The following NRM variants were observed in gnomAD, a reference collection of about 807,000 sequenced individuals.
The protein encoded by NRM is nuclear rim protein.
In NRM, 19 loss-of-function variants were observed where a neutral mutation model predicts 23.4. The ratio of observed to expected loss-of-function variants is 0.81; its 90% CI spans 0.57 to 1.19. The LOEUF (loss-of-function observed/expected upper bound fraction) is 1.19. NRM is among the 50% of genes most tolerant of loss of function. The pLI, the probability that NRM is intolerant of heterozygous loss-of-function variation, is 0.00. For missense variants in NRM, 232 were observed against 329.7 expected (o/e 0.70, Z 2.30); for synonymous variants, 140 against 143.5 (o/e 0.98, Z 0.17).
chr6:30,690,844 G>T lies in NRM; in HGVS notation c.131C>A (p.Pro44Gln). Residue 44 changes from proline to glutamine, a missense_variant and splice_region_variant, in exon 1 of 4, where the codon CCG becomes CAG. Pro to Gln is a moderately conservative substitution (Grantham distance 76, BLOSUM62 -1). Transcript: ENST00000376421. This position sits in a 1 kb window ranked among gnomAD's most constrained non-coding sequence, Gnocchi z 5.5. ...LLGGIPESGG[P>Q]DARQGWLAAL... The stretch of plus-strand genomic sequence containing the variant: ...CATCCTCGATCCCTCCCGCTCACCC[G>T]GACCACCAGACTCCGGGATCCCTCC... 6.2e-7 allele frequency: 1 copy of T among 1,612,944 alleles called. No homozygotes were observed. Among genetic ancestry groups the T allele is most frequent in the Non-Finnish European group, 8.5e-7 (1 of 1,179,996 alleles).
At position 30,688,417 on chromosome 6, in the gene NRM, G is replaced by A. The variant is rs889034232; in HGVS notation, c.*244C>T. 3 of 593,620 alleles carry A rather than the reference G, an allele frequency of 5.1e-6. No individual in the cohort carries two copies. Among genetic ancestry groups the A allele is most frequent in the Non-Finnish European group, 9.0e-6 (3 of 334,376 alleles). 36.8% of individuals were successfully genotyped at this position (593,620 alleles called of 1,614,324 possible). ...AGTGTCATGCTCTAAACAGTGAAGGGACAGATGACTTCCATACCCCACTCT... is the reference window on the plus strand; with the variant it reads ...AGTGTCATGCTCTAAACAGTGAAGGAACAGATGACTTCCATACCCCACTCT... On this transcript the variant is annotated 3_prime_UTR_variant, in exon 4 of 4. Transcript: ENST00000376421. This position sits in a 1 kb window ranked among gnomAD's most constrained non-coding sequence, Gnocchi z 5.9.
At position 30,690,786 on chromosome 6, in the gene NRM, C is replaced by T; in HGVS notation, c.133+56G>A. ...TGTTTCCAAGCCCCGCCCTCAATCC[C>T]TCTCCTACGGCTCCACCTTCCTCCT... On this transcript the variant is annotated intron_variant, in intron 1 of 3. Transcript: ENST00000376421. The surrounding 1 kb of genome is among the most constrained non-coding windows in gnomAD (Gnocchi z 5.5). 1 of 1,612,654 alleles carries T rather than the reference C, an allele frequency of 6.2e-7. No individual in the cohort carries two copies. Among genetic ancestry groups the T allele is most frequent in the South Asian group, 1.1e-5 (1 of 91,046 alleles).
At chr6:30,691,262 A>T, upstream of NRM, 1 of 386,038 alleles carries the variant, frequency 2.6e-6, no homozygotes, top group Admixed American at 4.1e-5. Context: ...GTTGAATCTC[A>T]GCTCGTCTAG....
rs1045920617 is a variant in NRM at position 30,690,036 on chromosome 6, G to A, written c.330+11C>T. Reference sequence around the variant, plus strand: ...CCAGGATTTCATACCTGCAAGGCCAGGGCCTCATACCTGCAAGGCCAGGGC... The same window carrying A: ...CCAGGATTTCATACCTGCAAGGCCAAGGCCTCATACCTGCAAGGCCAGGGC... On this transcript the variant is annotated intron_variant, in intron 2 of 3. Transcript: ENST00000376421. This position sits in a 1 kb window ranked among gnomAD's most constrained non-coding sequence, Gnocchi z 5.5. The A allele has an allele frequency of 6.3e-7, 1 of 1,596,962 alleles. No homozygotes were observed. The highest frequency in any genetic ancestry group is 1.4e-5 in the African/African-American group (1 of 73,762).
chr6:30,689,547 G>T lies in NRM; in HGVS notation c.331-95C>A. 8.0e-7 allele frequency: 1 copy of T among 1,250,352 alleles called. No homozygotes were observed. The highest frequency in any genetic ancestry group is 1.1e-6 in the Non-Finnish European group (1 of 917,380). The allele number at this position is 1,250,352 out of a possible 1,614,324, so 77.5% of individuals were successfully genotyped here. On this transcript the variant is annotated intron_variant, in intron 2 of 3. Transcript: ENST00000376421. The surrounding 1 kb of genome is among the most constrained non-coding windows in gnomAD (Gnocchi z 4.7). ...ATCTGCCCCCACCACAGGCTAGCCT[G>T]CAACTCTCCCCCACCTCTCTCCTAA...
chr6:30,689,455 G>A lies in NRM; in HGVS notation c.331-3C>T. ...GGCTCCCAGTACCGCATCACCAGCT[G>A]TGGAAGGATAAGGGGCTGGGTATCC... On this transcript the variant is annotated splice_region_variant and splice_polypyrimidine_tract_variant and intron_variant, in intron 2 of 3. Coordinates refer to ENST00000376421, the MANE Select transcript of NRM (RefSeq NM_001384369.1). The surrounding 1 kb of genome is among the most constrained non-coding windows in gnomAD (Gnocchi z 4.7). 3.2e-6 allele frequency: 5 copies of A among 1,568,768 alleles called. No individual in the cohort carries two copies. The highest frequency in any genetic ancestry group is 4.3e-6 in the Non-Finnish European group (5 of 1,157,662).
In NRM at chr6:30,688,619, A is replaced by C; in HGVS notation, c.*42T>G. 6.3e-7 allele frequency: 1 copy of C among 1,591,192 alleles called. No homozygotes were observed. The highest frequency in any genetic ancestry group is 8.6e-7 in the Non-Finnish European group (1 of 1,167,364). On this transcript the variant is annotated 3_prime_UTR_variant, in exon 4 of 4. Transcript: ENST00000376421. The surrounding 1 kb of genome is among the most constrained non-coding windows in gnomAD (Gnocchi z 5.9). ...CCTGGATGTTAAGGATTTAGAATTC[A>C]GTGGGAGAGGAAGAACAGGGCTTGT...
Position 30,689,978 on chromosome 6 carries a change from T to G in NRM, c.330+69A>C, listed in dbSNP as rs1771423463. On this transcript the variant is annotated intron_variant, in intron 2 of 3. Transcript: ENST00000376421. This position sits in a 1 kb window ranked among gnomAD's most constrained non-coding sequence, Gnocchi z 4.7. ...TTGCCCCTCCAATCCACGGCACCCC[T>G]CCCACACTTGGTCTCCCTTGGGGAC... is the stretch of plus-strand genomic sequence containing the variant. 1 of 1,520,538 alleles carries G rather than the reference T, an allele frequency of 6.6e-7. No homozygotes were observed. Among genetic ancestry groups the G allele is most frequent in the Non-Finnish European group, 8.8e-7 (1 of 1,132,902 alleles). 94.2% of individuals were successfully genotyped at this position (1,520,538 alleles called of 1,614,324 possible). A position where few individuals can be genotyped will look rare whatever the true frequency, so the allele number is the denominator to read the frequency against.
chr6:30,691,037 CCG>C, upstream of NRM: 1 of 1,529,596 alleles, frequency 6.5e-7, no homozygotes, highest in Non-Finnish European at 8.8e-7. Context: ...CAGGCCCCGC[CCG>C]CGGCCCCGCC....
Position 30,689,573 on chromosome 6 carries a change from G to T in NRM, c.331-121C>A. 1 of 986,162 alleles carries T rather than the reference G, an allele frequency of 1.0e-6. No homozygotes were observed. The highest frequency in any genetic ancestry group is 1.5e-6 in the Non-Finnish European group (1 of 681,262). The allele number at this position is 986,162 out of a possible 1,614,324, so 61.1% of individuals were successfully genotyped here. A position where few individuals can be genotyped will look rare whatever the true frequency, so the allele number is the denominator to read the frequency against. ...CAACTCTCCCCCACCTCTCTCCTAA[G>T]CATCACCACCAAATATTCACCATGT... is the stretch of plus-strand genomic sequence containing the variant. On this transcript the variant is annotated intron_variant, in intron 2 of 3. Transcript: ENST00000376421. This position sits in a 1 kb window ranked among gnomAD's most constrained non-coding sequence, Gnocchi z 4.7.
At position 30,688,479 on chromosome 6, in the gene NRM, G is replaced by T; in HGVS notation, c.*182C>A. On this transcript the variant is annotated 3_prime_UTR_variant, in exon 4 of 4. Transcript: ENST00000376421. The surrounding 1 kb of genome is among the most constrained non-coding windows in gnomAD (Gnocchi z 5.9). ...GAGAAGTGGACCTTGGAGTTCAGTG[G>T]CTGAAACTCAGAATTTAGGGTATGG... 1.4e-6 allele frequency: 1 copy of T among 689,674 alleles called. No individual in the cohort carries two copies. The highest frequency in any genetic ancestry group is 2.4e-6 in the Non-Finnish European group (1 of 416,270). 42.7% of individuals were successfully genotyped at this position (689,674 alleles called of 1,614,324 possible).
chr6:30,691,319 T>G, upstream of NRM: 1 of 268,218 alleles, frequency 3.7e-6, no homozygotes, highest in Non-Finnish European at 7.3e-6. Flanking sequence ...CAAAATAAAT[T>G]AATGTATGGA....
At position 30,690,505 on chromosome 6, in the gene NRM, G is replaced by A. The variant is rs992279923; in HGVS notation, c.134-262C>T. ...CAAAAAGCATGGCTGGAGAGGCCAC[G>A]CTGGATTGCCCCTCTTACTTCGGTT... On this transcript the variant is annotated intron_variant, in intron 1 of 3. Coordinates refer to ENST00000376421, the MANE Select transcript of NRM (RefSeq NM_001384369.1). This position sits in a 1 kb window ranked among gnomAD's most constrained non-coding sequence, Gnocchi z 5.5. 5 of 1,503,138 alleles carry A rather than the reference G, an allele frequency of 3.3e-6. No individual in the cohort carries two copies. The highest frequency in any genetic ancestry group is 2.0e-5 in the Admixed American group (1 of 49,118). The allele number at this position is 1,503,138 out of a possible 1,614,324, so 93.1% of individuals were successfully genotyped here.
rs1013658861 is a variant in NRM at position 30,690,811 on chromosome 6, T to A, written c.133+31A>T. On this transcript the variant is annotated intron_variant, in intron 1 of 3. Coordinates refer to ENST00000376421, the MANE Select transcript of NRM (RefSeq NM_001384369.1). This position sits in a 1 kb window ranked among gnomAD's most constrained non-coding sequence, Gnocchi z 5.5. ...CTCTCCTACGGCTCCACCTTCCTCC[T>A]CCCAGTTCATCCTCGATCCCTCCCG... 1.2e-6 allele frequency: 2 copies of A among 1,612,738 alleles called. No homozygotes were observed. Among genetic ancestry groups the A allele is most frequent in the South Asian group, 2.2e-5 (2 of 91,066 alleles).
chr6:30,689,865 T>C lies in NRM; in HGVS notation c.330+182A>G, dbSNP rs755300245. On this transcript the variant is annotated intron_variant, in intron 2 of 3. Coordinates refer to ENST00000376421, the MANE Select transcript of NRM (RefSeq NM_001384369.1). The surrounding 1 kb of genome is among the most constrained non-coding windows in gnomAD (Gnocchi z 4.7). ...TATCTTGTGCTTAGGGAAGGACAAG[T>C]ACACCCTTCTTGATAAAAAGTAGGA... Among the ~76,000 whole-genome samples, 5 of 152,184 alleles carry C rather than the reference T, an allele frequency of 3.3e-5. No homozygotes were observed. Among genetic ancestry groups the C allele is most frequent in the Non-Finnish European group, 5.9e-5 (4 of 68,026 alleles).
In NRM at chr6:30,688,388, G is replaced by C; in HGVS notation, c.*273C>G. 1 of 546,090 alleles carries C rather than the reference G, an allele frequency of 1.8e-6. No individual in the cohort carries two copies. The highest frequency in any genetic ancestry group is 4.8e-4 in the Middle Eastern group (1 of 2,088). The allele number at this position is 546,090 out of a possible 1,614,324, so 33.8% of individuals were successfully genotyped here. A position where few individuals can be genotyped will look rare whatever the true frequency, so the allele number is the denominator to read the frequency against. The stretch of plus-strand genomic sequence containing the variant: ...TTCCTTCTCAGGAGGCTGTTGAGGG[G>C]GAGAGTGTCATGCTCTAAACAGTGA... On this transcript the variant is annotated 3_prime_UTR_variant, in exon 4 of 4. Coordinates refer to ENST00000376421, the MANE Select transcript of NRM (RefSeq NM_001384369.1). This position sits in a 1 kb window ranked among gnomAD's most constrained non-coding sequence, Gnocchi z 5.9.
rs762077629 is a variant in NRM at position 30,690,026 on chromosome 6, T to C, written c.330+21A>G. 6.3e-7 allele frequency: 1 copy of C among 1,588,396 alleles called. No individual in the cohort carries two copies. The highest frequency in any genetic ancestry group is 1.9e-5 in the Admixed American group (1 of 52,630). ...GACTCAACTGCCAGGATTTCATACC[T>C]GCAAGGCCAGGGCCTCATACCTGCA... On this transcript the variant is annotated intron_variant, in intron 2 of 3. Transcript: ENST00000376421. This position sits in a 1 kb window ranked among gnomAD's most constrained non-coding sequence, Gnocchi z 5.5.
At chr6:30,691,014 A>G, upstream of NRM, 3 of 1,557,386 alleles carry the variant, frequency 1.9e-6, no homozygotes, top group East Asian at 2.4e-5. Flanking sequence ...CGGGGTCGGG[A>G]TTCCCGCTGC....
Position 30,688,702 on chromosome 6 carries a change from G to C in NRM, c.748C>G (p.Leu250Val), listed in dbSNP as rs780817613. The change falls in exon 4 of 4, where the codon CTC (leucine) becomes GTC (valine). Residue 250 changes from leucine to valine, a missense_variant. Coordinates refer to ENST00000376421, the MANE Select transcript of NRM (RefSeq NM_001384369.1). This position sits in a 1 kb window ranked among gnomAD's most constrained non-coding sequence, Gnocchi z 5.9. ...TCCTGGGGCCGAGAGAGCAGGTGGAGTTTTCTTTGTAGCTGGGCCCGGAGG... is the reference window on the plus strand; with the variant it reads ...TCCTGGGGCCGAGAGAGCAGGTGGACTTTTCTTTGTAGCTGGGCCCGGAGG... Reference protein sequence around the residue: ...RYLRAQLQRKLHLLSRPQDGE... With the variant: ...RYLRAQLQRKVHLLSRPQDGE... The C allele has an allele frequency of 2.5e-6, 4 of 1,613,946 alleles. No individual in the cohort carries two copies. The African/African-American group carries it at 5.3e-5, about 22-fold the overall frequency.
Sources: allele counts gnomAD v4.1 joint callset (sites outside exome capture counted in the v4.1 genomes callset), GRCh38; gene constraint gnomAD v4.1.1; non-coding constraint Gnocchi (gnomAD v3.1); transcripts MANE v1.5; gene names NCBI Gene and HGNC (gene_info 2026-07-23, HGNC 2026-07-21).